The following GALNTL6 variants were observed in gnomAD, a reference collection of about 807,000 sequenced individuals.
GALNTL6 encodes the protein polypeptide N-acetylgalactosaminyltransferase-like 6.
GALNTL6 carries 46 observed loss-of-function variants against 73.7 expected under a neutral mutation model. The observed-to-expected ratio is 0.62, with a 90% CI of 0.49 to 0.80. The LOEUF is 0.80. Ranked by LOEUF, GALNTL6 falls within the 30% of genes least tolerant of loss-of-function variation. The probability of loss-of-function intolerance (pLI) is 0.00; values close to 1 mark genes in which losing one functional copy is unlikely to be tolerated. For missense variants in GALNTL6, 604 were observed against 755.0 expected (o/e 0.80, Z 2.34); for synonymous variants, 259 against 263.7 (o/e 0.98, Z 0.17).
At chr4:172,009,044 A>G (rs1426896096) in intron 2 of GALNTL6, among the ~76,000 whole-genome samples, 1 of 152,160 alleles carries the variant, frequency 6.6e-6, no homozygotes, top group Non-Finnish European at 1.5e-5. Context: ...TCTTCACTAG[A>G]AATACTAAAT....
intron 5 of GALNTL6, among the ~76,000 whole-genome samples, chr4:172,687,259 T>G (rs1732971533): frequency 6.6e-6 from 1 of 152,116 alleles, no homozygotes; most frequent in Non-Finnish European, 1.5e-5. Flanking sequence ...CACCTGAAAT[T>G]TCCATCTGCA....
chr4:172,452,442 C>T (rs956306653), intron 5 of GALNTL6, among the ~76,000 whole-genome samples: 2 of 152,120 alleles, frequency 1.3e-5, no homozygotes, highest in Admixed American at 6.5e-5. Context: ...TTACTAACCC[C>T]TCTGGACCTC....
rs577429496 is a variant in GALNTL6 at position 172,448,142 on chromosome 4, C to T, written c.553+99453C>T. On this transcript the variant is annotated intron_variant, in intron 5 of 12. Transcript: ENST00000506823. ...TAGGGACAATCAGGAATAGAGCCAG[C>T]GCTACTGATTCTTCAATTCATGAAG... Among the ~76,000 whole-genome samples, 39 of 152,154 alleles carry T rather than the reference C, an allele frequency of 2.6e-4. 1 individual carries two copies. Among genetic ancestry groups the T allele is most frequent in the Admixed American group, 6.5e-4 (10 of 15,270 alleles).
intron 2 of GALNTL6, among the ~76,000 whole-genome samples, chr4:172,219,337 CTTG>C (rs761184488): frequency 1.3e-4 from 20 of 150,960 alleles, no homozygotes; most frequent in East Asian, 9.7e-4. Flanking sequence ...AATTATCTTA[CTTG>C]TTAACACAGA....
In GALNTL6 at chr4:172,813,751, G is replaced by A. The variant is rs1031306336; in HGVS notation, c.923+28G>A. On this transcript the variant is annotated intron_variant, in intron 7 of 12. Coordinates refer to ENST00000506823, the MANE Select transcript of GALNTL6 (RefSeq NM_001034845.3). The stretch of plus-strand genomic sequence containing the variant: ...GAGTAGCAGCCAAGGGAGGGGCCGA[G>A]GGGGTGAGGGCAGGTAACTCATTGC... 5 of 1,561,604 alleles carry A rather than the reference G, an allele frequency of 3.2e-6. No homozygotes were observed. The East Asian group carries it at 9.1e-5, about 28-fold the overall frequency.
intron 10 of GALNTL6, among the ~76,000 whole-genome samples, chr4:172,978,798 CAG>C (rs771075155): frequency 6.6e-6 from 1 of 152,174 alleles, no homozygotes; most frequent in East Asian, 1.9e-4. Flanking sequence ...CAACGATAAA[CAG>C]AAAATGATCA....
chr4:172,194,281 A>G (rs1023688582), intron 2 of GALNTL6, among the ~76,000 whole-genome samples: 1 of 152,148 alleles, frequency 6.6e-6, no homozygotes, highest in Non-Finnish European at 1.5e-5. Flanking sequence ...AGCAGACAAA[A>G]TCGGTGAGAA....
chr4:172,139,994 AAT>A (rs1733759964), intron 2 of GALNTL6, among the ~76,000 whole-genome samples: 1 of 125,322 alleles, frequency 8.0e-6, no homozygotes, highest in South Asian at 2.3e-4. Context: ...ACATTGTTTA[AAT>A]AGTCTTTTTT....
chr4:172,315,239 C>T (rs1374948762), intron 4 of GALNTL6, among the ~76,000 whole-genome samples: 17 of 152,050 alleles, frequency 1.1e-4, no homozygotes, highest in Admixed American at 1.1e-3. Flanking sequence ...TTATATTCTC[C>T]TAGCCCTACA....
intron 5 of GALNTL6, among the ~76,000 whole-genome samples, chr4:172,794,136 A>G (rs532897886): frequency 1.3e-5 from 2 of 152,166 alleles, no homozygotes; most frequent in Non-Finnish European, 2.9e-5. Flanking sequence ...GTACTAATAA[A>G]CAGCCCTGCT....
At position 172,379,524 on chromosome 4, in the gene GALNTL6, G is replaced by A. The variant is rs1358981329; in HGVS notation, c.553+30835G>A. On this transcript the variant is annotated intron_variant, in intron 5 of 12. Coordinates refer to ENST00000506823, the MANE Select transcript of GALNTL6 (RefSeq NM_001034845.3). ...CGCAGTCCGGCCTGGGCGACAGAGC[G>A]AGACTCCGTCTCAAAAAAAAAAAAA... Among the ~76,000 whole-genome samples the A allele has an allele frequency of 2.6e-3, 251 of 95,468 alleles. 1 individual carries two copies. Among genetic ancestry groups the A allele is most frequent in the African/African-American group, 9.2e-3 (237 of 25,706 alleles). 62.6% of individuals were successfully genotyped at this position (95,468 alleles called of 152,430 possible). A position where few individuals can be genotyped will look rare whatever the true frequency, so the allele number is the denominator to read the frequency against.
Position 173,034,764 on chromosome 4 carries a change from T to C in GALNTL6, c.1639-5169T>C, listed in dbSNP as rs200119607. Reference sequence around the variant, plus strand: ...CTTCTGACCGCCTTGATTTTTTTCATGTCACCTCTGAACAGGCTATGTGTT... The same window carrying C: ...CTTCTGACCGCCTTGATTTTTTTCACGTCACCTCTGAACAGGCTATGTGTT... On this transcript the variant is annotated intron_variant, in intron 12 of 12. Transcript: ENST00000506823. 4.5e-4 allele frequency among the ~76,000 whole-genome samples: 69 copies of C among 152,308 alleles called. 2 individuals carry two copies. In the East Asian group the frequency reaches 0.013, roughly 29 times the overall value.
chr4:172,196,450 G>A (rs1490466176), intron 2 of GALNTL6, among the ~76,000 whole-genome samples: 2 of 152,076 alleles, frequency 1.3e-5, no homozygotes, highest in Non-Finnish European at 2.9e-5. Context: ...ATTTTATGGG[G>A]CCAAATTCAT....
chr4:172,816,419 C>T (rs1321404588), intron 7 of GALNTL6, among the ~76,000 whole-genome samples: 1 of 152,060 alleles, frequency 6.6e-6, no homozygotes, highest in Non-Finnish European at 1.5e-5. Flanking sequence ...GGGGCATTAA[C>T]AGTATTTAAT....
chr4:172,907,503 C>G (rs1746963199), intron 8 of GALNTL6, among the ~76,000 whole-genome samples: 1 of 152,184 alleles, frequency 6.6e-6, no homozygotes, highest in Non-Finnish European at 1.5e-5. Flanking sequence ...TTATCATCAT[C>G]TCTACAGATA....
At chr4:172,953,300 G>A (rs139237981) in intron 10 of GALNTL6, among the ~76,000 whole-genome samples, 29 of 152,306 alleles carry the variant, frequency 1.9e-4, no homozygotes, top group African/African-American at 7.0e-4. Flanking sequence ...GCTAAAGCAG[G>A]ACTAAAATTG....
chr4:171,943,603 A>G (rs934447265), intron 2 of GALNTL6, among the ~76,000 whole-genome samples: 19 of 152,132 alleles, frequency 1.2e-4, no homozygotes, highest in African/African-American at 3.9e-4. Flanking sequence ...TCTCAAGGCA[A>G]TGTTATTGTA....
At chr4:172,280,934 G>A (rs1561003921) in intron 3 of GALNTL6, among the ~76,000 whole-genome samples, 2 of 151,438 alleles carry the variant, frequency 1.3e-5, no homozygotes, top group Non-Finnish European at 2.9e-5. Flanking sequence ...GCCAAGGTGG[G>A]TGGATCACGA....
intron 7 of GALNTL6, among the ~76,000 whole-genome samples, chr4:172,825,604 C>T (rs530332277): frequency 4.6e-4 from 70 of 152,220 alleles, no homozygotes; most frequent in African/African-American, 1.6e-3. Context: ...GGTGGGAAAA[C>T]TCATCCAAGG....
Sources: gnomAD v4.1 joint callset for allele counts (sites outside exome capture counted in the v4.1 genomes callset) on GRCh38, gnomAD v4.1.1 for gene constraint, MANE v1.5 for transcripts, NCBI Gene and HGNC (gene_info 2026-07-23, HGNC 2026-07-21) for gene names.